Variants in FSTL5 observed in about 807,000 individuals in gnomAD.
FSTL5 encodes the protein follistatin like 5.
FSTL5 carries 62 observed loss-of-function variants against 89.1 expected under a neutral mutation model. The ratio of observed to expected loss-of-function variants is 0.70; its 90% CI spans 0.57 to 0.86. The LOEUF is 0.86. FSTL5 is among the 40% of genes least tolerant of loss of function. FSTL5 has a pLI of 0.00. For missense variants in FSTL5, 1,057 were observed against 1,001.6 expected (o/e 1.06, Z -0.75); for synonymous variants, 383 against 346.2 (o/e 1.11, Z -1.18).
chr4:161,543,261 G>T (rs1449274632), intron 8 of FSTL5, among the ~76,000 whole-genome samples: 1 of 151,870 alleles, frequency 6.6e-6, no homozygotes, highest in Non-Finnish European at 1.5e-5. Flanking sequence ...ATGAAACTTT[G>T]TTGAAAGAAT....
chr4:161,606,095 A>G (rs1225783302), intron 7 of FSTL5, among the ~76,000 whole-genome samples: 2 of 149,706 alleles, frequency 1.3e-5, no homozygotes, highest in Non-Finnish European at 2.9e-5. Context: ...AGCTGAGGCC[A>G]TCCAAGACTA....
At chr4:161,976,710 T>C (rs930029841) in intron 3 of FSTL5, among the ~76,000 whole-genome samples, 2 of 152,238 alleles carry the variant, frequency 1.3e-5, no homozygotes, top group South Asian at 2.1e-4. Context: ...CCTGATCTCC[T>C]GACCTCGTGA....
intron 4 of FSTL5, among the ~76,000 whole-genome samples, chr4:161,841,442 T>G (rs919170877): frequency 2.0e-5 from 3 of 152,196 alleles, no homozygotes; most frequent in Non-Finnish European, 4.4e-5. Context: ...CCATTAGGTA[T>G]GTGCAAAATG....
intron 4 of FSTL5, among the ~76,000 whole-genome samples, chr4:161,894,146 G>A (rs1350851774): frequency 6.6e-6 from 1 of 152,074 alleles, no homozygotes; most frequent in Non-Finnish European, 1.5e-5. Context: ...CATAGATGAG[G>A]AAATATAAGT....
At chr4:162,001,778 G>A (rs886100369) in intron 3 of FSTL5, among the ~76,000 whole-genome samples, 1 of 152,056 alleles carries the variant, frequency 6.6e-6, no homozygotes, top group African/African-American at 2.4e-5. Flanking sequence ...CACCTTATTA[G>A]GGCCAAAGTC....
intron 7 of FSTL5, among the ~76,000 whole-genome samples, chr4:161,601,184 C>T (rs776940537): frequency 1.1e-4 from 17 of 152,030 alleles, no homozygotes; most frequent in Non-Finnish European, 1.9e-4. Flanking sequence ...TTCAGAAAGA[C>T]TGGGGGCAGG....
chr4:162,163,705 T>G lies in FSTL5; in HGVS notation c.-107A>C, dbSNP rs1579075813. ...ATAAAAAAAAAAAACTCTCAAAAGA[T>G]CGTCTTAGCTGGGGAAAAAAAAATA... On this transcript the variant is annotated 5_prime_UTR_variant, in exon 1 of 16. Transcript: ENST00000306100. 2 of 149,534 alleles carry G rather than the reference T, an allele frequency of 1.3e-5. No individual in the cohort carries two copies. Among genetic ancestry groups the G allele is most frequent in the Admixed American group, 6.7e-5 (1 of 14,950 alleles). The allele number at this position is 149,534 out of a possible 1,614,324, so 9.3% of individuals were successfully genotyped here.
intron 5 of FSTL5, among the ~76,000 whole-genome samples, chr4:161,764,298 G>T (rs566257996): frequency 1.3e-5 from 2 of 152,236 alleles, no homozygotes; most frequent in East Asian, 3.9e-4. Context: ...CACTCTTGTT[G>T]TCCAGGCTGG....
intron 7 of FSTL5, among the ~76,000 whole-genome samples, chr4:161,604,793 C>T (rs1213065133): frequency 6.6e-6 from 1 of 152,084 alleles, no homozygotes; most frequent in Non-Finnish European, 1.5e-5. Context: ...TAGGGACTGC[C>T]TAGGTTTCAT....
At chr4:161,599,233 T>C (rs1297516624) in intron 7 of FSTL5, among the ~76,000 whole-genome samples, 5 of 152,124 alleles carry the variant, frequency 3.3e-5, no homozygotes, top group Non-Finnish European at 4.4e-5. Context: ...AAATTAAATT[T>C]ACTGCAACAA....
At chr4:161,642,344 C>T (rs1302257724) in intron 7 of FSTL5, among the ~76,000 whole-genome samples, 1 of 152,104 alleles carries the variant, frequency 6.6e-6, no homozygotes, top group Non-Finnish European at 1.5e-5. Context: ...TACCCCTTTA[C>T]TATGTAAGTA....
At chr4:162,148,584 A>T (rs927125389) in intron 1 of FSTL5, among the ~76,000 whole-genome samples, 4 of 152,190 alleles carry the variant, frequency 2.6e-5, no homozygotes, top group Admixed American at 1.3e-4. Flanking sequence ...ACATTTATAC[A>T]TTATAAAAAT....
intron 4 of FSTL5, among the ~76,000 whole-genome samples, chr4:161,798,552 C>T (rs1729702310): frequency 6.6e-6 from 1 of 151,234 alleles, no homozygotes; most frequent in Non-Finnish European, 1.5e-5. Flanking sequence ...TATTGGTCTA[C>T]ATCTGTGGTT....
chr4:162,035,804 A>G (rs1737714777), intron 2 of FSTL5, among the ~76,000 whole-genome samples: 1 of 152,140 alleles, frequency 6.6e-6, no homozygotes, highest in African/African-American at 2.4e-5. Flanking sequence ...TGTGACAAAA[A>G]CATAGAACAA....
chr4:162,033,671 C>G lies in FSTL5; in HGVS notation c.127-13G>C. 1 of 1,452,486 alleles carries G rather than the reference C, an allele frequency of 6.9e-7. No homozygotes were observed. Among genetic ancestry groups the G allele is most frequent in the Non-Finnish European group, 9.5e-7 (1 of 1,053,614 alleles). The allele number at this position is 1,452,486 out of a possible 1,614,324, so 90.0% of individuals were successfully genotyped here. ...GATTTTTTTCCTGCTGGAAATAAAA[C>G]AGAAAATAGGTCAAAATATGTAAGT... is the stretch of plus-strand genomic sequence containing the variant. On this transcript the variant is annotated splice_polypyrimidine_tract_variant and intron_variant, in intron 2 of 15. Coordinates refer to ENST00000306100, the MANE Select transcript of FSTL5 (RefSeq NM_020116.5).
intron 4 of FSTL5, among the ~76,000 whole-genome samples, chr4:161,822,511 A>T (rs1300022547): frequency 6.6e-6 from 1 of 152,210 alleles, no homozygotes; most frequent in Admixed American, 6.5e-5. Context: ...CAGCTAGACC[A>T]AGTATACTGC....
At chr4:161,915,284 C>T (rs999027818) in intron 4 of FSTL5, among the ~76,000 whole-genome samples, 8 of 150,540 alleles carry the variant, frequency 5.3e-5, no homozygotes, top group African/African-American at 1.7e-4. Context: ...TGTATCTCTT[C>T]CCCCCATCAT....
intron 3 of FSTL5, among the ~76,000 whole-genome samples, chr4:161,968,638 C>A (rs928649814): frequency 5.3e-5 from 8 of 151,990 alleles, no homozygotes; most frequent in Non-Finnish European, 7.4e-5. Flanking sequence ...TCTAAAACAA[C>A]CATTCCTTTG....
chr4:162,100,190 T>C (rs1186677561), intron 2 of FSTL5, among the ~76,000 whole-genome samples: 1 of 152,182 alleles, frequency 6.6e-6, no homozygotes, highest in Non-Finnish European at 1.5e-5. Context: ...GTAGTGAATG[T>C]AAAAACAAAC....
Sources: allele counts gnomAD v4.1 joint callset (sites outside exome capture counted in the v4.1 genomes callset), GRCh38; gene constraint gnomAD v4.1.1; transcripts MANE v1.5; gene names NCBI Gene and HGNC (gene_info 2026-07-23, HGNC 2026-07-21).